The following FASTKD3 variants were observed in gnomAD, a reference collection of about 807,000 sequenced individuals.
The protein encoded by FASTKD3 is FAST kinase domains 3.
FASTKD3 carries 47 observed loss-of-function variants against 49.7 expected under a neutral mutation model. The observed-to-expected ratio is 0.95, with a 90% CI of 0.75 to 1.21. The LOEUF (loss-of-function observed/expected upper bound fraction) is 1.21, where lower values mean the gene tolerates loss of function less well. Among genes scored for constraint, FASTKD3 ranks in the 50% most tolerant of loss-of-function variants. The probability of loss-of-function intolerance (pLI) is 0.00; values close to 1 mark genes in which losing one functional copy is unlikely to be tolerated. For missense variants in FASTKD3, 748 were observed against 765.7 expected (o/e 0.98, Z 0.27); for synonymous variants, 284 against 288.6 (o/e 0.98, Z 0.16).
At chr5:7,863,913 C>A (rs1746739653) in intron 3 of FASTKD3, among the ~76,000 whole-genome samples, 1 of 152,032 alleles carries the variant, frequency 6.6e-6, no homozygotes, top group Non-Finnish European at 1.5e-5. Flanking sequence ...TACAATGACG[C>A]GACCTCGGCT....
rs1451141211 is a variant in FASTKD3, at chr5:7,859,603, G to A, written c.1885-64C>T. The A allele has an allele frequency of 4.7e-6, 5 of 1,074,480 alleles. No individual in the cohort carries two copies. The African/African-American group carries it at 4.8e-5, about 10-fold the overall frequency. 66.6% of individuals were successfully genotyped at this position (1,074,480 alleles called of 1,614,324 possible). A position where few individuals can be genotyped will look rare whatever the true frequency, so the allele number is the denominator to read the frequency against. On this transcript the variant is annotated intron_variant, in intron 6 of 6. Transcript: ENST00000264669. ...AAAATCTGAGGTTCCTCTGGCTATT[G>A]GTTACTTTGTTTGTTTCTTACACGC... is the stretch of plus-strand genomic sequence containing the variant.
chr5:7,859,528 A>G lies in FASTKD3; in HGVS notation c.1896T>C (p.His632=). ...LGYQVVQIPY[H]EIGMLKSRRE... ...GTCTTGATTTTAGCATCCCAATCTC[A>G]TGATAGGGGATCTGTAAAGGTAGAA... Residue 632 remains histidine, a synonymous_variant, in exon 7 of 7, where the codon CAT becomes CAC. Transcript: ENST00000264669. The G allele has an allele frequency of 6.4e-7, 1 of 1,572,612 alleles. No individual in the cohort carries two copies. The highest frequency in any genetic ancestry group is 2.3e-5 in the East Asian group (1 of 43,698).
chr5:7,862,724 G>A (rs1746639193), intron 4 of FASTKD3, 99 bp downstream of exon 4: 19 of 1,020,220 alleles, frequency 1.9e-5, no homozygotes, highest in Non-Finnish European at 2.3e-5. Flanking sequence ...ATTCCATTTT[G>A]CATTTCCAGA....
chr5:7,866,583 T>G, intron 2 of FASTKD3, 63 bp downstream of exon 2: 2 of 1,278,018 alleles, frequency 1.6e-6, no homozygotes, highest in Non-Finnish European at 1.1e-6. Flanking sequence ...TATATGTGAC[T>G]TGAAACCACT....
chr5:7,867,891 A>C lies in FASTKD3; in HGVS notation c.193T>G (p.Phe65Val). ...VKFHHAHCKK[F>V]HSKNGNDLHP... ...AGGTCATTTCCATTTTTCGAATGAA[A>C]CTTTTTACAATGGGCATGATGGAAT... The change falls in exon 2 of 7, where the codon TTT becomes GTT. Residue 65 changes from phenylalanine to valine, a missense_variant. Physicochemically the swap from Phe to Val is conservative, Grantham distance 50. Around this residue, in one of 3 missense-constraint regions of FASTKD3, gnomAD observed 564 missense variants for 562.8 expected, o/e 1.00. Coordinates refer to ENST00000264669, the MANE Select transcript of FASTKD3 (RefSeq NM_024091.4). 1 of 1,614,100 alleles carries C rather than the reference A, an allele frequency of 6.2e-7. No homozygotes were observed. The highest frequency in any genetic ancestry group is 8.5e-7 in the Non-Finnish European group (1 of 1,180,014).
chr5:7,863,316 C>T (rs1465574074), intron 3 of FASTKD3: 2 of 280,586 alleles, frequency 7.1e-6, no homozygotes, highest in Non-Finnish European at 1.3e-5. Context: ...GCTAACAGTT[C>T]AAGAAACATT....
At position 7,867,689 on chromosome 5, in the gene FASTKD3, C is replaced by G. The variant is rs1435140881; in HGVS notation, c.395G>C (p.Gly132Ala). Residue 132 changes from glycine to alanine, a missense_variant, in exon 2 of 7, where the codon GGA becomes GCA. Physicochemically the swap from Gly to Ala is moderately conservative, Grantham distance 60 (BLOSUM62 0). Transcript: ENST00000264669. ...CACTTCACAAATTCGTTGTAAAGCT[C>G]CTGCTGCCATAGTGTCAGGCAGGGT... ...METLPDTMAA[G>A]ALQRICEVEK... 8.1e-6 allele frequency: 13 copies of G among 1,614,204 alleles called. No homozygotes were observed. Among genetic ancestry groups the G allele is most frequent in the Non-Finnish European group, 1.1e-5 (13 of 1,180,038 alleles).
intron 4 of FASTKD3, among the ~76,000 whole-genome samples, chr5:7,862,492 T>C (rs752837767): frequency 2.0e-5 from 3 of 152,168 alleles, no homozygotes; most frequent in Middle Eastern, 3.2e-3. Context: ...TAACAATTAG[T>C]GAGCATTTCC....
intron 3 of FASTKD3, among the ~76,000 whole-genome samples, chr5:7,865,091 T>C (rs1746844892): frequency 1.3e-5 from 2 of 152,028 alleles, no homozygotes; most frequent in African/African-American, 2.4e-5. Flanking sequence ...TAAAAGCAAA[T>C]TGTACTTTGA....
chr5:7,860,062 GCCTGCAGCCTGGCTGCAGGCCAA>G (rs1380266926), intron 6 of FASTKD3, among the ~76,000 whole-genome samples: 6 of 152,190 alleles, frequency 3.9e-5, no homozygotes, highest in Non-Finnish European at 7.3e-5. Context: ...GTAATCATGT[GCCTGCAGCCTGGCTGCAGGCCAA>G]CCATTGGAGG....
chr5:7,864,651 A>G (rs1435903483), intron 3 of FASTKD3, among the ~76,000 whole-genome samples: 1 of 152,214 alleles, frequency 6.6e-6, no homozygotes, highest in Non-Finnish European at 1.5e-5. Flanking sequence ...AAACTTCATT[A>G]ATGCTCATTA....
At chr5:7,864,075 T>C (rs1561099734) in intron 3 of FASTKD3, among the ~76,000 whole-genome samples, 1 of 152,220 alleles carries the variant, frequency 6.6e-6, no homozygotes, top group Non-Finnish European at 1.5e-5. Flanking sequence ...GGTCTCGAAC[T>C]CCTGACCTCA....
In FASTKD3 at chr5:7,865,452, C is replaced by T. The variant is rs936230682; in HGVS notation, c.1524+446G>A. Reference sequence around the variant, plus strand: ...TCTTTATAGGTCTTTATGGGAAGAGCGAACTCTAGATAAACTAAACTCTAT... The same window carrying T: ...TCTTTATAGGTCTTTATGGGAAGAGTGAACTCTAGATAAACTAAACTCTAT... On this transcript the variant is annotated intron_variant, in intron 3 of 6. Transcript: ENST00000264669. Among the ~76,000 whole-genome samples the T allele has an allele frequency of 7.2e-5, 11 of 152,046 alleles. No homozygotes were observed. The South Asian group carries it at 1.0e-3, about 14-fold the overall frequency.
chr5:7,866,972 A>T lies in FASTKD3; in HGVS notation c.1112T>A (p.Val371Asp). The T allele has an allele frequency of 6.2e-7, 1 of 1,614,192 alleles. No individual in the cohort carries two copies. Among genetic ancestry groups the T allele is most frequent in the Non-Finnish European group, 8.5e-7 (1 of 1,180,034 alleles). The change falls in exon 2 of 7, where the codon GTC (valine) becomes GAC (aspartate). Residue 371 changes from valine (V) to aspartate (D), a missense_variant. Val to Asp is a radical substitution (Grantham distance 152). This residue lies in a region of FASTKD3 where 564 missense variants were observed against 562.8 expected (regional missense o/e 1.00). Coordinates refer to ENST00000264669, the MANE Select transcript of FASTKD3 (RefSeq NM_024091.4). ...ACTGCAGTACTCCATGACCCTGCAGACAACTTCAGGATCCAACGTGAGGCA... is the reference window on the plus strand; with the variant it reads ...ACTGCAGTACTCCATGACCCTGCAGTCAACTTCAGGATCCAACGTGAGGCA... ...AVCLTLDPEV[V>D]CRVMEYCSRE...
Position 7,866,809 on chromosome 5 carries a change from G to T in FASTKD3, c.1275C>A (p.Ala425=), listed in dbSNP as rs1169472415. 1.2e-6 allele frequency: 2 copies of T among 1,614,016 alleles called. No individual in the cohort carries two copies. Among genetic ancestry groups the T allele is most frequent in the African/African-American group, 1.3e-5 (1 of 74,910 alleles). ...TTTCCAGCTTTCTAAATAAAGCAGAGGCATTTGGTGGCAAATAATTGAGTT... is the reference window on the plus strand; with the variant it reads ...TTTCCAGCTTTCTAAATAAAGCAGATGCATTTGGTGGCAAATAATTGAGTT... ...FGKLNYLPPN[A]SALFRKLENV... The change falls in exon 2 of 7, where the codon GCC becomes GCA. Residue 425 remains alanine, a synonymous_variant. Coordinates refer to ENST00000264669, the MANE Select transcript of FASTKD3 (RefSeq NM_024091.4).
intron 6 of FASTKD3, 117 bp downstream of exon 6, chr5:7,861,032 T>C (rs1225411231): frequency 9.5e-6 from 6 of 628,824 alleles, no homozygotes; most frequent in African/African-American, 3.7e-5. Context: ...AATTGCTGCC[T>C]GATCAAATTC....
rs762855940 is a variant in FASTKD3 at position 7,869,010 on chromosome 5, C to G, written c.-145G>C. ...CTGCCGGGCAATCACTCCGGGTGGTCGCGGAAGCGCCTGGGCGTCGTGGGC... is the reference window on the plus strand; with the variant it reads ...CTGCCGGGCAATCACTCCGGGTGGTGGCGGAAGCGCCTGGGCGTCGTGGGC... On this transcript the variant is annotated 5_prime_UTR_variant, in exon 1 of 7. Coordinates refer to ENST00000264669, the MANE Select transcript of FASTKD3 (RefSeq NM_024091.4). 3 of 1,176,308 alleles carry G rather than the reference C, an allele frequency of 2.6e-6. No homozygotes were observed. In the East Asian group the frequency reaches 7.0e-5, roughly 28 times the overall value. The allele number at this position is 1,176,308 out of a possible 1,614,324, so 72.9% of individuals were successfully genotyped here.
intron 2 of FASTKD3, 29 bp downstream of exon 2, chr5:7,866,617 C>G: frequency 6.6e-7 from 1 of 1,508,380 alleles, no homozygotes; most frequent in Non-Finnish European, 8.9e-7. Flanking sequence ...TTACTTTTTT[C>G]CAACTGTCAG....
At chr5:7,862,760 T>C (rs1746641210) in intron 4 of FASTKD3, 63 bp downstream of exon 4, 9 of 1,399,074 alleles carry the variant, frequency 6.4e-6, no homozygotes, top group Admixed American at 2.0e-5. Context: ...CTAAGTCCCA[T>C]ATATCTCCAA....
Sources: gnomAD v4.1 joint callset for allele counts (sites outside exome capture counted in the v4.1 genomes callset) on GRCh38, gnomAD v4.1.1 for gene constraint, gnomAD v4.1.1 regional missense constraint, MANE v1.5 for transcripts, NCBI Gene and HGNC (gene_info 2026-07-23, HGNC 2026-07-21) for gene names.